AGAP1: variants seen among roughly 807,000 people sequenced by gnomAD.
AGAP1 encodes arf-GAP with GTPase, ANK repeat and PH domain-containing protein 1.
AGAP1 carries 29 observed loss-of-function variants against 105.3 expected under a neutral mutation model. That is an observed-to-expected ratio of 0.28 (90% CI 0.21 to 0.38). AGAP1 has a LOEUF of 0.38. AGAP1 is among the 10% of genes least tolerant of loss of function. The pLI is 1.00. For missense variants in AGAP1, 998 were observed against 1,165.1 expected, an observed-to-expected ratio of 0.86 and a Z score of 2.09; for synonymous variants, 509 against 485.9, an observed-to-expected ratio of 1.05 and a Z score of -0.63.
intron 1 of AGAP1, among the ~76,000 whole-genome samples, chr2:235,502,183 C>G (rs1270912453): frequency 6.6e-6 from 1 of 152,048 alleles, no homozygotes; most frequent in African/African-American, 2.4e-5. Flanking sequence ...CCTCTATCTT[C>G]CAGGGCTTTT....
At chr2:236,023,248 GT>G (rs2125608329) in intron 13 of AGAP1, among the ~76,000 whole-genome samples, 1 of 152,306 alleles carries the variant, frequency 6.6e-6, no homozygotes, top group African/African-American at 2.4e-5. Context: ...AGGAATGTCT[GT>G]TTTTAAAAGA....
chr2:235,878,260 C>G (rs971828617), intron 9 of AGAP1, among the ~76,000 whole-genome samples: 1 of 152,202 alleles, frequency 6.6e-6, no homozygotes, highest in African/African-American at 2.4e-5. Flanking sequence ...TTCAGTGTAA[C>G]CAGCGTTCAA....
At chr2:235,949,599 C>T (rs80243166) in intron 12 of AGAP1, among the ~76,000 whole-genome samples, 3,487 of 151,212 alleles carry the variant, frequency 0.023, 143 homozygotes, top group African/African-American at 0.08. Flanking sequence ...GCATGCCTAG[C>T]GAATTCCATT....
rs1169459087 is a variant in AGAP1, at chr2:236,083,322, G to A, written c.2114+34041G>A. Among the ~76,000 whole-genome samples the A allele has an allele frequency of 2.0e-5, 3 of 152,306 alleles. No individual in the cohort carries two copies. The highest frequency in any genetic ancestry group is 3.4e-3 in the Middle Eastern group (1 of 294). ...GATGAGCTCGGTTTGTTGCAAGGAA[G>A]CGTCGTCCTCCTCACGGGCTCTTTA... On this transcript the variant is annotated intron_variant, in intron 16 of 17. Transcript: ENST00000304032. The surrounding 1 kb of genome is among the most constrained non-coding windows in gnomAD (Gnocchi z 5.3).
At chr2:235,761,652 TTAAG>T (rs1954449374) in intron 6 of AGAP1, among the ~76,000 whole-genome samples, 1 of 152,228 alleles carries the variant, frequency 6.6e-6, no homozygotes, top group Non-Finnish European at 1.5e-5. Context: ...TTTAAAATGA[TTAAG>T]TAGTGATGTA....
chr2:235,544,272 C>T (rs772632896), intron 1 of AGAP1, among the ~76,000 whole-genome samples: 13 of 152,244 alleles, frequency 8.5e-5, no homozygotes, highest in South Asian at 2.1e-4. Context: ...GTGGCAGGAA[C>T]GGAGCCAGCA....
intron 2 of AGAP1, among the ~76,000 whole-genome samples, 188 bp downstream of exon 2, chr2:235,709,425 T>C (rs13022599): frequency 0.17 from 25,849 of 152,062 alleles, 2,771 homozygotes; most frequent in Admixed American, 0.33. Context: ...TGAGTGCCCC[T>C]GGGACAGCTA....
chr2:235,587,239 G>A (rs565132948), intron 1 of AGAP1, among the ~76,000 whole-genome samples: 1 of 152,308 alleles, frequency 6.6e-6, no homozygotes, highest in Non-Finnish European at 1.5e-5. Flanking sequence ...GTCGGACCAA[G>A]TTTCTGAGGG....
intron 13 of AGAP1, among the ~76,000 whole-genome samples, chr2:235,990,802 G>A (rs971925760): frequency 7.2e-5 from 11 of 152,196 alleles, no homozygotes; most frequent in African/African-American, 2.7e-4. Context: ...TATGACCATG[G>A]CCATTTTTGG....
rs910294376 is a variant in AGAP1, at chr2:235,680,511, G to A, written c.164-28668G>A. Among the ~76,000 whole-genome samples, 8 of 152,214 alleles carry A rather than the reference G, an allele frequency of 5.3e-5. No homozygotes were observed. In the South Asian group the frequency reaches 1.0e-3, roughly 20 times the overall value. On this transcript the variant is annotated intron_variant, in intron 1 of 17. Transcript: ENST00000304032. ...ATCTCTGTTCTGTGGCTCTCTATGG[G>A]CCTGGGGAAGGGGTCCCAGGCATCC...
chr2:235,613,871 C>T (rs1013098596), intron 1 of AGAP1, among the ~76,000 whole-genome samples: 2 of 152,194 alleles, frequency 1.3e-5, no homozygotes, highest in Non-Finnish European at 2.9e-5. Context: ...CATATAGTGG[C>T]GCCGTGTGGC....
rs568234364 is a variant in AGAP1, at chr2:235,516,232, C to G, written c.163+21383C>G. ...TGCATGCCTGGCGAATAGTATATCC[C>G]CAGTAAATGCTTGCAGAATGAATGT... On this transcript the variant is annotated intron_variant, in intron 1 of 17. Transcript: ENST00000304032. Among the ~76,000 whole-genome samples the G allele has an allele frequency of 2.0e-5, 3 of 152,248 alleles. No homozygotes were observed. In the South Asian group the frequency reaches 6.2e-4, roughly 32 times the overall value.
chr2:235,567,237 T>C (rs1470117699), intron 1 of AGAP1, among the ~76,000 whole-genome samples: 2 of 152,228 alleles, frequency 1.3e-5, no homozygotes, highest in African/African-American at 4.8e-5. Context: ...TTGCCTCTCT[T>C]CTTTCCTGTC....
In AGAP1 at chr2:235,655,146, G is replaced by A. The variant is rs1270201378; in HGVS notation, c.164-54033G>A. 2.0e-5 allele frequency among the ~76,000 whole-genome samples: 3 copies of A among 151,954 alleles called. No individual in the cohort carries two copies. The highest frequency in any genetic ancestry group is 3.9e-4 in the East Asian group (2 of 5,176). On this transcript the variant is annotated intron_variant, in intron 1 of 17. Coordinates refer to ENST00000304032, the MANE Select transcript of AGAP1 (RefSeq NM_001037131.3). The surrounding 1 kb of genome is among the most constrained non-coding windows in gnomAD (Gnocchi z 4.3). ...CACAAGGTCAGCATAGATTTAACAG[G>A]AGACATAAGCTTTGAAAATTTATTC... is the stretch of plus-strand genomic sequence containing the variant.
intron 1 of AGAP1, among the ~76,000 whole-genome samples, chr2:235,583,574 T>G (rs967226684): frequency 3.6e-5 from 5 of 139,268 alleles, no homozygotes; most frequent in Admixed American, 7.1e-5. Context: ...TTTTTTTTTT[T>G]GGTAAAGATA....
intron 16 of AGAP1, among the ~76,000 whole-genome samples, chr2:236,086,422 G>T (rs2058929402): frequency 6.6e-6 from 1 of 152,102 alleles, no homozygotes; most frequent in African/African-American, 2.4e-5. Context: ...TCTTTAAGAA[G>T]AGCAGTACAA....
intron 1 of AGAP1, among the ~76,000 whole-genome samples, chr2:235,706,369 C>T (rs982242765): frequency 9.9e-5 from 15 of 151,960 alleles, no homozygotes; most frequent in South Asian, 4.1e-4. Flanking sequence ...GGACTACAGG[C>T]GCCCGCCACC....
Position 236,120,237 on chromosome 2 carries a change from C to A in AGAP1, c.2160C>A (p.Leu720=), listed in dbSNP as rs765490442. 6 of 1,613,256 alleles carry A rather than the reference C, an allele frequency of 3.7e-6. No individual in the cohort carries two copies. The highest frequency in any genetic ancestry group is 5.1e-6 in the Non-Finnish European group (6 of 1,179,588). ...RWIRAKYEQK[L]FLAPLPCTEL... is the part of the protein sequence containing the mutation. ...TCCGTGCCAAGTACGAGCAGAAGCTCTTCCTGGCCCCGCTGCCCTGCACGG... is the reference window on the plus strand; with the variant it reads ...TCCGTGCCAAGTACGAGCAGAAGCTATTCCTGGCCCCGCTGCCCTGCACGG... Residue 720 remains leucine (L), a synonymous_variant, in exon 17 of 18, where the codon CTC becomes CTA. Transcript: ENST00000304032. The surrounding 1 kb of genome is among the most constrained non-coding windows in gnomAD (Gnocchi z 6.0).
chr2:235,641,947 G>T (rs1266680763), intron 1 of AGAP1, among the ~76,000 whole-genome samples: 1 of 152,176 alleles, frequency 6.6e-6, no homozygotes, highest in Non-Finnish European at 1.5e-5. Context: ...CTCTGAAACT[G>T]CTCCTCTGTC....
Sources: gnomAD v4.1 joint callset for allele counts (sites outside exome capture counted in the v4.1 genomes callset) on GRCh38, gnomAD v4.1.1 for gene constraint, Gnocchi (gnomAD v3.1) non-coding constraint, MANE v1.5 for transcripts, NCBI Gene and HGNC (gene_info 2026-07-23, HGNC 2026-07-21) for gene names.